Variants in FBXO16 observed in about 807,000 individuals in gnomAD.
FBXO16 encodes the protein F-box protein 16.
A neutral mutation model predicts 41.0 loss-of-function variants in FBXO16; 31 were observed. The ratio of observed to expected loss-of-function variants is 0.76; its 90% CI spans 0.57 to 1.02. The LOEUF (loss-of-function observed/expected upper bound fraction) is 1.02. FBXO16 is among the 50% of genes least tolerant of loss of function. The probability of loss-of-function intolerance (pLI) is 0.00; values close to 1 mark genes in which losing one functional copy is unlikely to be tolerated. For synonymous variants in FBXO16, 133 were observed against 117.8 expected (o/e 1.13, Z -0.84); for missense variants, 361 against 346.2 (o/e 1.04, Z -0.34).
At chr8:28,447,046 C>A (rs1585897862) in intron 7 of FBXO16, 125 bp downstream of exon 7, 1 of 817,100 alleles carries the variant, frequency 1.2e-6, no homozygotes, top group South Asian at 1.9e-5. Context: ...GTGTCAGAAA[C>A]CCGAATTTAA....
At chr8:28,466,598 T>C (rs759941365) in intron 3 of FBXO16, among the ~76,000 whole-genome samples, 29 of 150,234 alleles carry the variant, frequency 1.9e-4, no homozygotes, top group Non-Finnish European at 3.4e-4. Context: ...GAGACCATCC[T>C]GGCTGACACG....
chr8:28,486,307 C>T (rs893084710), intron 1 of FBXO16, among the ~76,000 whole-genome samples: 1 of 150,684 alleles, frequency 6.6e-6, no homozygotes, highest in Non-Finnish European at 1.5e-5. Context: ...TCACTGCAAC[C>T]TCCGCCTCCT....
intron 2 of FBXO16, among the ~76,000 whole-genome samples, chr8:28,475,777 G>A (rs10503829): frequency 0.42 from 63,674 of 151,992 alleles, 13,673 homozygotes; most frequent in East Asian, 0.64. Flanking sequence ...GTCCATGGAA[G>A]GCCCTCAATA....
chr8:28,456,851 T>A lies in FBXO16; in HGVS notation c.422A>T (p.Asn141Ile). The A allele has an allele frequency of 6.2e-7, 1 of 1,614,150 alleles. No individual in the cohort carries two copies. The highest frequency in any genetic ancestry group is 8.5e-7 in the Non-Finnish European group (1 of 1,180,020). Reference protein sequence around the residue: ...LKCLRFNWYINFSPTPFEQGI... With the variant: ...LKCLRFNWYIIFSPTPFEQGI... ...CTGCTCAAAGGGAGTTGGAGAGAAA[T>A]TGATGTACCAGTTAAACCGTAAACA... The change falls in exon 5 of 9, where the codon AAT becomes ATT. Residue 141 changes from asparagine (N) to isoleucine (I), a missense_variant. Physicochemically the swap from Asn to Ile is moderately radical, Grantham distance 149. Coordinates refer to ENST00000380254, the MANE Select transcript of FBXO16 (RefSeq NM_172366.4).
chr8:28,490,000 C>G (rs187370492), intron 1 of FBXO16, among the ~76,000 whole-genome samples, 186 bp downstream of exon 1: 14 of 152,270 alleles, frequency 9.2e-5, no homozygotes, highest in African/African-American at 3.4e-4. Flanking sequence ...AAAGCTAATG[C>G]TTGGTAGGCA....
At chr8:28,460,028 AAAAC>A (rs1400569609) in intron 4 of FBXO16, among the ~76,000 whole-genome samples, 3 of 151,920 alleles carry the variant, frequency 2.0e-5, no homozygotes, top group East Asian at 1.9e-4. Flanking sequence ...TTCATCTCAA[AAAAC>A]AAACAAACAA....
chr8:28,432,128 AGTGTGTGTGT>A (rs56917233), intron 7 of FBXO16, among the ~76,000 whole-genome samples: 89 of 142,916 alleles, frequency 6.2e-4, no homozygotes, highest in South Asian at 2.6e-3. Flanking sequence ...CTATGTATGG[AGTGTGTGTGT>A]GTGTGTGTGT....
intron 5 of FBXO16, among the ~76,000 whole-genome samples, chr8:28,454,144 C>G (rs762997121): frequency 6.6e-6 from 1 of 151,710 alleles, no homozygotes; most frequent in Non-Finnish European, 1.5e-5. Flanking sequence ...CCAGCCTGGG[C>G]GACAGAGTGA....
chr8:28,472,430 G>A (rs748569374), intron 3 of FBXO16, among the ~76,000 whole-genome samples: 5 of 152,096 alleles, frequency 3.3e-5, no homozygotes, highest in South Asian at 2.1e-4. Context: ...TCTACTTTGT[G>A]AGCATAGAAG....
chr8:28,485,466 C>T (rs1177154982), intron 1 of FBXO16, among the ~76,000 whole-genome samples: 1 of 152,180 alleles, frequency 6.6e-6, no homozygotes, highest in Non-Finnish European at 1.5e-5. Flanking sequence ...AGCCACTGTG[C>T]CCGACCTTTG....
chr8:28,475,951 G>T (rs1284677765), intron 2 of FBXO16, among the ~76,000 whole-genome samples: 1 of 152,112 alleles, frequency 6.6e-6, no homozygotes, highest in Non-Finnish European at 1.5e-5. Context: ...AAAATCCCTG[G>T]GTCCAAACTG....
Position 28,445,483 on chromosome 8 carries a change from G to A in FBXO16, c.843+1688C>T, listed in dbSNP as rs190539362. 4.3e-3 allele frequency among the ~76,000 whole-genome samples: 649 copies of A among 152,208 alleles called. 5 individuals are homozygous for A. The highest frequency in any genetic ancestry group is 6.5e-3 in the Non-Finnish European group (444 of 68,014). The stretch of plus-strand genomic sequence containing the variant: ...ACTTTTATTGTCCTTCAAATTCCCC[G>A]TTCTCCCATGGACTTCTCTTCCACT... On this transcript the variant is annotated intron_variant, in intron 7 of 8. Transcript: ENST00000380254.
At chr8:28,449,728 C>T (rs780786009) in intron 6 of FBXO16, among the ~76,000 whole-genome samples, 57 of 151,924 alleles carry the variant, frequency 3.8e-4, no homozygotes, top group Non-Finnish European at 4.9e-4. Flanking sequence ...AATCCCAGCA[C>T]TTTGGGAGGC....
intron 1 of FBXO16, among the ~76,000 whole-genome samples, chr8:28,487,267 G>A (rs561114290): frequency 1.0e-3 from 159 of 151,962 alleles, no homozygotes; most frequent in Middle Eastern, 6.8e-3. Context: ...GTCCTGCCTC[G>A]TCTCTTGCTA....
chr8:28,449,907 G>A (rs1055688514), intron 6 of FBXO16, among the ~76,000 whole-genome samples: 6 of 150,936 alleles, frequency 4.0e-5, no homozygotes, highest in Admixed American at 6.6e-5. Context: ...AGGAGGCAGA[G>A]GTTGCAGTGA....
At chr8:28,468,077 G>T (rs1803273738) in intron 3 of FBXO16, among the ~76,000 whole-genome samples, 1 of 152,144 alleles carries the variant, frequency 6.6e-6, no homozygotes, top group Admixed American at 6.5e-5. Flanking sequence ...CCATGGAGGG[G>T]TTAACTGTAC....
chr8:28,461,101 T>C (rs993496876), intron 4 of FBXO16, among the ~76,000 whole-genome samples: 4 of 145,320 alleles, frequency 2.8e-5, no homozygotes, highest in East Asian at 2.1e-4. Context: ...TTTTTTTTTT[T>C]ACCAATGACG....
At chr8:28,461,832 C>G (rs983721552) in intron 4 of FBXO16, among the ~76,000 whole-genome samples, 1 of 152,068 alleles carries the variant, frequency 6.6e-6, no homozygotes, top group Admixed American at 6.6e-5. Context: ...GCTTCCTTTC[C>G]TGTTTTCTTT....
intron 7 of FBXO16, among the ~76,000 whole-genome samples, chr8:28,442,983 C>T (rs1170730674): frequency 6.6e-6 from 1 of 151,832 alleles, no homozygotes; most frequent in African/African-American, 2.4e-5. Context: ...GATCTGACAG[C>T]CACATCCCCA....
Sources: allele counts gnomAD v4.1 joint callset (sites outside exome capture counted in the v4.1 genomes callset), GRCh38; gene constraint gnomAD v4.1.1; transcripts MANE v1.5; gene names NCBI Gene and HGNC (gene_info 2026-07-23, HGNC 2026-07-21).